The following SSBP2 variants were observed in gnomAD, a reference collection of about 807,000 sequenced individuals.
SSBP2 encodes single-stranded DNA-binding protein 2.
A neutral mutation model predicts 61.8 loss-of-function variants in SSBP2; 17 were observed. That is an observed-to-expected ratio of 0.28 (90% confidence interval 0.19 to 0.41). The LOEUF (loss-of-function observed/expected upper bound fraction) is 0.41, where lower values mean the gene tolerates loss of function less well. SSBP2 is among the 10% of genes least tolerant of loss of function. The pLI is 1.00. For synonymous variants in SSBP2, 139 were observed against 141.3 expected (o/e 0.98, Z 0.12); for missense variants, 310 against 458.7 (o/e 0.68, Z 2.96).
chr5:81,713,988 G>A (rs1035627560), intron 1 of SSBP2, among the ~76,000 whole-genome samples: 5 of 152,016 alleles, frequency 3.3e-5, no homozygotes, highest in South Asian at 4.1e-4. Context: ...TGCACATGCC[G>A]TGGTGGTTTG....
intron 1 of SSBP2, among the ~76,000 whole-genome samples, chr5:81,670,470 T>C (rs2153786778): frequency 6.6e-6 from 1 of 152,296 alleles, no homozygotes; most frequent in African/African-American, 2.4e-5. Flanking sequence ...TACTGTAAAT[T>C]ATCTACATGT....
upstream of SSBP2, among the ~76,000 whole-genome samples, chr5:81,751,459 T>G (rs1275567177): frequency 2.0e-5 from 3 of 151,622 alleles, no homozygotes; most frequent in African/African-American, 7.3e-5. Flanking sequence ...CCGCCCGCGC[T>G]CAGCTCCTCA....
At chr5:81,556,471 GA>G (rs922204004) in intron 4 of SSBP2, among the ~76,000 whole-genome samples, 1 of 152,024 alleles carries the variant, frequency 6.6e-6, no homozygotes, top group African/African-American at 2.4e-5. Flanking sequence ...TCCCTGTTTC[GA>G]ATCCATGAAA....
intron 4 of SSBP2, among the ~76,000 whole-genome samples, chr5:81,569,297 T>G (rs1773670571): frequency 6.6e-6 from 1 of 152,190 alleles, no homozygotes; most frequent in African/African-American, 2.4e-5. Context: ...AATTCCCTTG[T>G]GCTGACCCTT....
chr5:81,430,593 TA>T (rs1464298017), intron 15 of SSBP2, among the ~76,000 whole-genome samples: 1 of 152,230 alleles, frequency 6.6e-6, no homozygotes, highest in Non-Finnish European at 1.5e-5. Flanking sequence ...TATTGATTTT[TA>T]AATACTTACA....
intron 6 of SSBP2, among the ~76,000 whole-genome samples, chr5:81,482,365 A>C (rs771025812): frequency 4.6e-5 from 7 of 152,168 alleles, no homozygotes; most frequent in Non-Finnish European, 1.0e-4. Context: ...TTAAAGCTCT[A>C]AAGGAAGGCA....
chr5:81,501,221 AT>A (rs1767697892), intron 5 of SSBP2, among the ~76,000 whole-genome samples: 1 of 14,994 alleles, frequency 6.7e-5, no homozygotes, highest in African/African-American at 6.7e-4. Flanking sequence ...AAATATATAT[AT>A]ATATATATAT....
At chr5:81,426,730 GC>G (rs1261946454) in intron 16 of SSBP2, among the ~76,000 whole-genome samples, 1 of 152,206 alleles carries the variant, frequency 6.6e-6, no homozygotes, top group Non-Finnish European at 1.5e-5. Flanking sequence ...GCTTTCTGAT[GC>G]CAGTTCTGAA....
intron 1 of SSBP2, among the ~76,000 whole-genome samples, chr5:81,652,447 G>A (rs1249087446): frequency 6.6e-6 from 1 of 152,084 alleles, no homozygotes; most frequent in African/African-American, 2.4e-5. Flanking sequence ...AGAATAACAG[G>A]GGGTAAGGGT....
chr5:81,648,694 T>G (rs2153705554), intron 2 of SSBP2, among the ~76,000 whole-genome samples: 1 of 152,170 alleles, frequency 6.6e-6, no homozygotes, highest in African/African-American at 2.4e-5. Flanking sequence ...ATTTAAAATT[T>G]TTTAATTTTT....
In SSBP2 at chr5:81,570,177, T is replaced by C. The variant is rs115833109; in HGVS notation, c.282+45296A>G. On this transcript the variant is annotated intron_variant, in intron 4 of 16. Transcript: ENST00000320672. ...AAGAACTGTAAAACACTATAAAACA[T>C]TTGCTAACAGTTAACAAATAATATA... Among the ~76,000 whole-genome samples, 57 of 152,248 alleles carry C rather than the reference T, an allele frequency of 3.7e-4. 1 individual carries two copies. Among genetic ancestry groups the C allele is most frequent in the African/African-American group, 1.3e-3 (52 of 41,548 alleles).
intron 1 of SSBP2, among the ~76,000 whole-genome samples, chr5:81,695,268 T>G (rs1220278361): frequency 6.6e-6 from 1 of 152,172 alleles, no homozygotes; most frequent in Non-Finnish European, 1.5e-5. Flanking sequence ...ATATCCCAGA[T>G]TAGGAAACCA....
chr5:81,463,720 A>C (rs930231339), intron 9 of SSBP2, among the ~76,000 whole-genome samples: 3 of 151,688 alleles, frequency 2.0e-5, no homozygotes, highest in African/African-American at 7.3e-5. Context: ...GATTTTGATG[A>C]AATCAAATCA....
intron 3 of SSBP2, among the ~76,000 whole-genome samples, chr5:81,631,179 T>G (rs1426202058): frequency 3.3e-5 from 5 of 152,214 alleles, no homozygotes; most frequent in African/African-American, 4.8e-5. Flanking sequence ...GGTGCTTAAC[T>G]GTAGTGAACC....
intron 2 of SSBP2, among the ~76,000 whole-genome samples, chr5:81,640,738 C>T (rs568074769): frequency 3.0e-4 from 42 of 138,292 alleles, no homozygotes; most frequent in Admixed American, 5.0e-4. Flanking sequence ...CAAAAACCTA[C>T]GTCTCGTCCT....
At chr5:81,589,859 AAGAGGGTG>A (rs1003122721) in intron 4 of SSBP2, among the ~76,000 whole-genome samples, 5 of 152,038 alleles carry the variant, frequency 3.3e-5, no homozygotes, top group Admixed American at 2.0e-4. Context: ...GTGAGAGAGC[AAGAGGGTG>A]AGAGAGGGAG....
chr5:81,593,595 G>A (rs951085550), intron 4 of SSBP2, among the ~76,000 whole-genome samples: 3 of 152,210 alleles, frequency 2.0e-5, no homozygotes, highest in Admixed American at 1.3e-4. Context: ...CAGAGAGAAA[G>A]GTTGGGTTAC....
At chr5:81,444,495 C>T (rs2153966731) in intron 12 of SSBP2, among the ~76,000 whole-genome samples, 1 of 152,248 alleles carries the variant, frequency 6.6e-6, no homozygotes, top group Non-Finnish European at 1.5e-5. Flanking sequence ...TTATTCGTTC[C>T]TCCTGCTTCC....
At chr5:81,556,585 T>A (rs1772623286) in intron 4 of SSBP2, among the ~76,000 whole-genome samples, 1 of 152,004 alleles carries the variant, frequency 6.6e-6, no homozygotes, top group Admixed American at 6.6e-5. Context: ...ATGATAGAGG[T>A]CTTTCTCCTC....
Sources: allele counts gnomAD v4.1 joint callset (sites outside exome capture counted in the v4.1 genomes callset), GRCh38; gene constraint gnomAD v4.1.1; transcripts MANE v1.5; gene names NCBI Gene and HGNC (gene_info 2026-07-23, HGNC 2026-07-21).